The following ELAVL2 variants were observed in gnomAD, a reference collection of about 807,000 sequenced individuals.
The protein encoded by ELAVL2 is ELAV like RNA binding protein 2, also known as ELAV-like protein 2.
In ELAVL2, 4 loss-of-function variants were observed where a neutral mutation model predicts 34.6. The observed-to-expected ratio is 0.12, with a 90% confidence interval of 0.06 to 0.26. The LOEUF is 0.26. Among genes scored for constraint, ELAVL2 ranks in the 10% least tolerant of loss-of-function variants. ELAVL2 has a pLI of 1.00. For synonymous variants in ELAVL2, 193 were observed against 154.8 expected (o/e 1.25, Z -1.83); for missense variants, 432 against 442.8 (o/e 0.98, Z 0.22).
intron 1 of ELAVL2, among the ~76,000 whole-genome samples, chr9:23,771,853 G>C (rs1053930726): frequency 6.6e-6 from 1 of 152,102 alleles, no homozygotes; most frequent in Admixed American, 6.5e-5. Context: ...CAATAGTAAA[G>C]GTTAAGCCAT....
intron 1 of ELAVL2, among the ~76,000 whole-genome samples, chr9:23,763,358 A>G (rs1474616609): frequency 1.3e-5 from 2 of 152,078 alleles, no homozygotes; most frequent in East Asian, 1.9e-4. Context: ...TTCCAAAATC[A>G]TTTTCCACTA....
At chr9:23,754,914 CAT>C (rs2053169252) in intron 2 of ELAVL2, among the ~76,000 whole-genome samples, 1 of 152,122 alleles carries the variant, frequency 6.6e-6, no homozygotes, top group African/African-American at 2.4e-5. Context: ...GTAAGCGACT[CAT>C]TACTTGAGAC....
intron 3 of ELAVL2, among the ~76,000 whole-genome samples, chr9:23,729,971 T>C (rs1272384291): frequency 1.3e-5 from 2 of 152,144 alleles, no homozygotes; most frequent in Middle Eastern, 3.2e-3. Context: ...CACTTCAGGC[T>C]ATAGTCTGAG....
rs59791462 is a variant in ELAVL2, at chr9:23,774,235, A to AAAAAAG, written c.-15-11987_-15-11986insCTTTTT. ...TCTCAAAAAAAAAAAAAAAAAAAAAAAAAGAAAGAAAGAAAGAAAGAAAAT... is the reference window on the plus strand; with the variant it reads ...TCTCAAAAAAAAAAAAAAAAAAAAAAAAAAAGAAAGAAAGAAAGAAAGAAAGAAAAT... On this transcript the variant is annotated intron_variant, in intron 1 of 6. Coordinates refer to ENST00000397312, the MANE Select transcript of ELAVL2 (RefSeq NM_004432.5). 9.9e-4 allele frequency among the ~76,000 whole-genome samples: 131 copies of AAAAAAG among 132,300 alleles called. 1 individual carries two copies. The highest frequency in any genetic ancestry group is 4.0e-3 in the African/African-American group (126 of 31,734). 86.8% of individuals were successfully genotyped at this position (132,300 alleles called of 152,430 possible). A position where few individuals can be genotyped will look rare whatever the true frequency, so the allele number is the denominator to read the frequency against.
intron 3 of ELAVL2, among the ~76,000 whole-genome samples, chr9:23,719,087 G>A (rs982575267): frequency 1.1e-4 from 16 of 152,312 alleles, no homozygotes; most frequent in Admixed American, 1.0e-3. Context: ...GAAATTTAAA[G>A]AGGGGCAGCG....
At chr9:23,703,978 G>A (rs926773661) in intron 4 of ELAVL2, among the ~76,000 whole-genome samples, 3 of 151,940 alleles carry the variant, frequency 2.0e-5, no homozygotes, top group Non-Finnish European at 4.4e-5. Context: ...CATTGCCCAG[G>A]CTGGAGTGCA....
intron 2 of ELAVL2, 64 bp from the exon 3 acceptor site, chr9:23,731,189 C>T: frequency 5.6e-6 from 8 of 1,427,824 alleles, no homozygotes; most frequent in Middle Eastern, 1.8e-4. Context: ...GATCAACTTT[C>T]ATTTTGGCAT....
At chr9:23,820,982 G>A (rs949833704) in intron 1 of ELAVL2, among the ~76,000 whole-genome samples, 2 of 152,050 alleles carry the variant, frequency 1.3e-5, no homozygotes, top group Non-Finnish European at 2.9e-5. Context: ...GGGCGCCCGC[G>A]GCCCTACACC....
chr9:23,844,672 A>G, the ELAVL2 span, among the ~76,000 whole-genome samples: 1 of 151,918 alleles, frequency 6.6e-6, no homozygotes, highest in South Asian at 2.1e-4. Context: ...CTTAATGGTA[A>G]TGACCTCAGG....
the ELAVL2 span, among the ~76,000 whole-genome samples, chr9:23,840,665 C>G: frequency 2.0e-5 from 3 of 152,154 alleles, no homozygotes; most frequent in Non-Finnish European, 4.4e-5. Context: ...TGATTTTCTA[C>G]AACTTCCCGT....
intron 1 of ELAVL2, among the ~76,000 whole-genome samples, chr9:23,824,111 C>G (rs913531434): frequency 6.6e-6 from 1 of 152,130 alleles, no homozygotes. Flanking sequence ...TTGGCTATTT[C>G]TCTCACCCTC....
chr9:23,760,924 G>C (rs1199947373), intron 2 of ELAVL2, among the ~76,000 whole-genome samples: 2 of 151,976 alleles, frequency 1.3e-5, no homozygotes, highest in African/African-American at 4.8e-5. Flanking sequence ...TAACGGAATA[G>C]CTCAAAGTCC....
In ELAVL2 at chr9:23,761,756, G is replaced by T. The variant is rs180904090; in HGVS notation, c.229+250C>A. Among the ~76,000 whole-genome samples, 26 of 152,024 alleles carry T rather than the reference G, an allele frequency of 1.7e-4. 1 individual carries two copies. The highest frequency in any genetic ancestry group is 6.3e-4 in the African/African-American group (26 of 41,498). ...ATCCCAGATACATATACTTTTAGAA[G>T]ATTTTCCAAAGATCCTGTCCAGATC... On this transcript the variant is annotated intron_variant, in intron 2 of 6. Transcript: ENST00000397312.
chr9:23,775,821 C>A (rs2136501225), intron 1 of ELAVL2, among the ~76,000 whole-genome samples: 1 of 152,316 alleles, frequency 6.6e-6, no homozygotes, highest in Non-Finnish European at 1.5e-5. Context: ...CCACCTGCAA[C>A]AGCCTACCTT....
Position 23,820,023 on chromosome 9 carries a change from T to C in ELAVL2, c.-16+5783A>G, listed in dbSNP as rs144233420. ...CACTCAGCAATACAGTCACCATTTA[T>C]ATATACCCAAAGGTTACTAAGACAA... On this transcript the variant is annotated intron_variant, in intron 1 of 6. Transcript: ENST00000397312. Among the ~76,000 whole-genome samples the C allele has an allele frequency of 8.5e-5, 13 of 152,226 alleles. No individual in the cohort carries two copies. In the East Asian group the frequency reaches 1.9e-3, roughly 23 times the overall value.
At chr9:23,762,336 A>C (rs926449352) in intron 1 of ELAVL2, 87 bp from the exon 2 acceptor site, 116 of 1,512,038 alleles carry the variant, frequency 7.7e-5, no homozygotes, top group Non-Finnish European at 9.3e-5. Context: ...ACTTGTCACT[A>C]AACACAAGTC....
chr9:23,719,284 C>T lies in ELAVL2; in HGVS notation c.333+11738G>A, dbSNP rs574879432. Among the ~76,000 whole-genome samples the T allele has an allele frequency of 2.2e-4, 34 of 152,274 alleles. 1 individual carries two copies. The East Asian group carries it at 6.2e-3, about 28-fold the overall frequency. ...ACACTCACTGGCTGTAATTAAACCG[C>T]CAAATAGTATCCCCTTTGCCACTTG... On this transcript the variant is annotated intron_variant, in intron 3 of 6. Transcript: ENST00000397312.
intron 1 of ELAVL2, among the ~76,000 whole-genome samples, chr9:23,802,315 A>T (rs1268068850): frequency 1.3e-5 from 2 of 152,192 alleles, no homozygotes; most frequent in Non-Finnish European, 2.9e-5. Flanking sequence ...GCTACAAGGG[A>T]CTTCCAAACG....
intron 1 of ELAVL2, among the ~76,000 whole-genome samples, chr9:23,825,290 C>T (rs2065229699): frequency 6.7e-6 from 1 of 148,734 alleles, no homozygotes; most frequent in Admixed American, 6.7e-5. Flanking sequence ...CTGCCTGGTG[C>T]AGCATCTAAA....
Sources: gnomAD v4.1 joint callset for allele counts (sites outside exome capture counted in the v4.1 genomes callset) on GRCh38, gnomAD v4.1.1 for gene constraint, MANE v1.5 for transcripts, NCBI Gene and HGNC (gene_info 2026-07-23, HGNC 2026-07-21) for gene names.